The following ACOT12 variants were observed in gnomAD, a reference collection of about 807,000 sequenced individuals.
ACOT12 encodes the protein acyl-CoA thioesterase 12, also known as acetyl-coenzyme A thioesterase.
Under a neutral mutation model 67.7 loss-of-function variants are expected in ACOT12, and 51 were observed. The ratio of observed to expected loss-of-function variants is 0.75; its 90% CI spans 0.60 to 0.95. The LOEUF (loss-of-function observed/expected upper bound fraction) is 0.95. ACOT12 is among the 40% of genes least tolerant of loss of function. The pLI is 0.00. For missense variants in ACOT12, 734 were observed against 708.1 expected, an observed-to-expected ratio of 1.04 and a Z score of -0.41; for synonymous variants, 251 against 244.6, an observed-to-expected ratio of 1.03 and a Z score of -0.24.
intron 3 of ACOT12, among the ~76,000 whole-genome samples, chr5:81,369,318 G>C (rs557588181): frequency 6.6e-6 from 1 of 152,306 alleles, no homozygotes; most frequent in East Asian, 1.9e-4. Context: ...ACAGAGCAGA[G>C]TTCCTGCTTG....
At chr5:81,325,406 C>T (rs1378755510), downstream of ACOT12, among the ~76,000 whole-genome samples, 3 of 152,088 alleles carry the variant, frequency 2.0e-5, no homozygotes, top group Non-Finnish European at 4.4e-5. Context: ...ACAATTTTCA[C>T]CTGCTGTGTG....
downstream of ACOT12, among the ~76,000 whole-genome samples, chr5:81,326,116 T>C (rs1407915069): frequency 7.1e-6 from 1 of 141,818 alleles, no homozygotes; most frequent in East Asian, 2.1e-4. Flanking sequence ...GCCCTGAGAT[T>C]CTTTTTTTTT....
chr5:81,316,379 C>A, the ACOT12 span, among the ~76,000 whole-genome samples: 14 of 152,180 alleles, frequency 9.2e-5, no homozygotes, highest in African/African-American at 3.1e-4. Flanking sequence ...CTGTTCTGGA[C>A]ACTTTATGTA....
At chr5:81,327,323 T>G (rs916409883), downstream of ACOT12, among the ~76,000 whole-genome samples, 1 of 152,092 alleles carries the variant, frequency 6.6e-6, no homozygotes, top group African/African-American at 2.4e-5. Flanking sequence ...TAAACTATAT[T>G]CTGATTCATT....
chr5:81,330,811 TA>T lies in ACOT12; in HGVS notation c.1518+2del. 1.9e-6 allele frequency: 3 copies of T among 1,612,900 alleles called. 1 individual carries two copies. Among genetic ancestry groups the T allele is most frequent in the Non-Finnish European group, 2.5e-6 (3 of 1,179,658 alleles). ...TAATCTGCAGATGTTTCATCAAACT[TA>T]CGATGCATGAATTGCTGTCAATAGC... On this transcript the variant is annotated splice_donor_variant, in intron 14 of 14. Coordinates refer to ENST00000307624, the MANE Select transcript of ACOT12 (RefSeq NM_130767.3). LOFTEE classifies it high-confidence loss of function.
chr5:81,365,297 A>C (rs1760046057), intron 3 of ACOT12, among the ~76,000 whole-genome samples: 1 of 152,194 alleles, frequency 6.6e-6, no homozygotes, highest in Non-Finnish European at 1.5e-5. Context: ...AATAATCAAT[A>C]ATCTATGACT....
intron 3 of ACOT12, among the ~76,000 whole-genome samples, chr5:81,371,467 G>T (rs183453024): frequency 6.6e-6 from 1 of 152,078 alleles, no homozygotes; most frequent in Non-Finnish European, 1.5e-5. Context: ...TGCCCAGGCT[G>T]GTGTGGAACT....
intron 3 of ACOT12, among the ~76,000 whole-genome samples, chr5:81,366,175 G>A (rs879561441): frequency 2.0e-5 from 3 of 152,194 alleles, no homozygotes; most frequent in Non-Finnish European, 4.4e-5. Flanking sequence ...CCATAGAAGA[G>A]TTTAAAACGT....
rs1758805017 is a variant in ACOT12, at chr5:81,331,025, T to C, written c.1392-85A>G. On this transcript the variant is annotated intron_variant, in intron 13 of 14. Transcript: ENST00000307624. ...ATCCCTATAGTTAACCCAATTTACTTATACAGGTAGAAGTGAAACTATGAA... is the reference window on the plus strand; with the variant it reads ...ATCCCTATAGTTAACCCAATTTACTCATACAGGTAGAAGTGAAACTATGAA... 3.5e-6 allele frequency: 5 copies of C among 1,415,946 alleles called. No homozygotes were observed. The African/African-American group carries it at 5.8e-5, about 16-fold the overall frequency. 87.7% of individuals were successfully genotyped at this position (1,415,946 alleles called of 1,614,324 possible). A position where few individuals can be genotyped will look rare whatever the true frequency, so the allele number is the denominator to read the frequency against.
At chr5:81,337,217 C>T (rs911423130) in intron 11 of ACOT12, among the ~76,000 whole-genome samples, 1 of 152,196 alleles carries the variant, frequency 6.6e-6, no homozygotes, top group African/African-American at 2.4e-5. Flanking sequence ...GGATGGCCTG[C>T]TGGGGCTCTG....
At chr5:81,308,660 T>C in the ACOT12 span, 1 of 1,613,710 alleles carries the variant, frequency 6.2e-7, no homozygotes, top group East Asian at 2.2e-5. Flanking sequence ...CAGGTGTGGG[T>C]CCACAGAGCA....
intron 5 of ACOT12, among the ~76,000 whole-genome samples, chr5:81,353,804 A>G (rs919655642): frequency 7.9e-5 from 12 of 152,222 alleles, no homozygotes; most frequent in Non-Finnish European, 7.3e-5. Context: ...TTTCCATCAT[A>G]CAACATCTTG....
intron 10 of ACOT12, 125 bp downstream of exon 10, chr5:81,343,692 TG>T: frequency 1.2e-6 from 1 of 868,404 alleles, no homozygotes; most frequent in Non-Finnish European, 1.8e-6. Flanking sequence ...TTGACATGAC[TG>T]GCTGATATAA....
intron 12 of ACOT12, 132 bp from the exon 13 acceptor site, chr5:81,332,737 A>C: frequency 1.9e-6 from 2 of 1,049,374 alleles, no homozygotes; most frequent in Non-Finnish European, 1.4e-6. Context: ...ATCTCCCTAA[A>C]AGCCAGCATT....
chr5:81,382,227 G>A (rs956800256), intron 2 of ACOT12, among the ~76,000 whole-genome samples: 1 of 152,094 alleles, frequency 6.6e-6, no homozygotes, highest in African/African-American at 2.4e-5. Flanking sequence ...TGAAAAGGCC[G>A]AGAACGAATG....
chr5:81,366,437 G>A (rs945886597), intron 3 of ACOT12, among the ~76,000 whole-genome samples: 3 of 152,166 alleles, frequency 2.0e-5, no homozygotes, highest in Non-Finnish European at 4.4e-5. Flanking sequence ...TAAGCACCAT[G>A]AACTCAGAGA....
chr5:81,391,115 G>C, intron 1 of ACOT12, among the ~76,000 whole-genome samples: 1 of 152,112 alleles, frequency 6.6e-6, no homozygotes, highest in South Asian at 2.1e-4. Flanking sequence ...CAGTTCTTTT[G>C]GCCTCAACCA....
At chr5:81,328,807 A>G (rs980890392), downstream of ACOT12, among the ~76,000 whole-genome samples, 3 of 152,198 alleles carry the variant, frequency 2.0e-5, no homozygotes, top group African/African-American at 4.8e-5. Flanking sequence ...CTGCATTATT[A>G]TAAGACTGGG....
intron 4 of ACOT12, among the ~76,000 whole-genome samples, chr5:81,360,303 T>A (rs1303482795): frequency 6.6e-6 from 1 of 152,166 alleles, no homozygotes; most frequent in East Asian, 1.9e-4. Flanking sequence ...GATTTTAAAA[T>A]TTTTCAACAG....
Sources: allele counts gnomAD v4.1 joint callset (sites outside exome capture counted in the v4.1 genomes callset), GRCh38; gene constraint gnomAD v4.1.1; transcripts MANE v1.5; gene names NCBI Gene and HGNC (gene_info 2026-07-23, HGNC 2026-07-21).